The following MID1 variants were observed in gnomAD, a reference collection of about 807,000 sequenced individuals.
The protein encoded by MID1 is E3 ubiquitin-protein ligase Midline-1.
A neutral mutation model predicts 40.4 loss-of-function variants in MID1; 7 were observed. The observed-to-expected ratio is 0.17, with a 90% CI of 0.10 to 0.33. MID1 has a LOEUF of 0.33. MID1 is among the 10% of genes least tolerant of loss of function. The probability of loss-of-function intolerance (pLI) is 1.00; values close to 1 mark genes in which losing one functional copy is unlikely to be tolerated. For missense variants in MID1, 367 were observed against 558.5 expected, an observed-to-expected ratio of 0.66 and a Z score of 3.46; for synonymous variants, 229 against 221.2, an observed-to-expected ratio of 1.04 and a Z score of -0.31.
chrX:10,801,666 A>AC (rs2044008736), intron 1 of MID1, among the ~76,000 whole-genome samples: 1 of 111,826 alleles, frequency 8.9e-6, no homozygotes, highest in Non-Finnish European at 1.9e-5. Context: ...ATGAAACTGG[A>AC]CCCCCACCTT....
At chrX:10,669,150 C>T (rs1372024102) in intron 1 of MID1, among the ~76,000 whole-genome samples, 1 of 98,579 alleles carries the variant, frequency 1.0e-5, no homozygotes, top group Non-Finnish European at 2.0e-5. Context: ...ACCCGGGAAG[C>T]GGAGCTTGCA....
In MID1 at chrX:10,449,327, C is replaced by G. The variant is rs776072976; in HGVS notation, c.*41G>C. ...TCAGTCCCCTAAATAGTGGCCTGAA[C>G]CTTACTGTTCCCCAGAAAGCAGCTC... On this transcript the variant is annotated 3_prime_UTR_variant, in exon 10 of 10. Transcript: ENST00000317552. 1 of 1,108,683 alleles carries G rather than the reference C, an allele frequency of 9.0e-7. No individual in the cohort carries two copies. Among genetic ancestry groups the G allele is most frequent in the Admixed American group, 2.2e-5 (1 of 44,758 alleles). 91.4% of individuals were successfully genotyped at this position (1,108,683 alleles called of 1,213,427 possible).
chrX:10,667,127 G>A (rs760829046), intron 1 of MID1, among the ~76,000 whole-genome samples: 3 of 111,539 alleles, frequency 2.7e-5, no homozygotes, highest in African/African-American at 9.8e-5. Flanking sequence ...ACTTGTGTAT[G>A]CACCCCTCGC....
rs1345823014 is a variant in MID1 at position 10,794,379 on chromosome X, G to A, written c.-187+39175C>T. Among the ~76,000 whole-genome samples the A allele has an allele frequency of 2.7e-5, 3 of 112,242 alleles. No homozygotes were observed. The Admixed American group carries it at 2.8e-4, about 11-fold the overall frequency. On this transcript the variant is annotated intron_variant, in intron 1 of 10. Coordinates refer to the MID1 transcript ENST00000380785. ...GGTTTACAGGGCAAGTGCTAATGCAGTCATAATTATATTGGTGTGAACAAA... is the reference window on the plus strand; with the variant it reads ...GGTTTACAGGGCAAGTGCTAATGCAATCATAATTATATTGGTGTGAACAAA...
intron 1 of MID1, among the ~76,000 whole-genome samples, chrX:10,597,335 A>G (rs1224691400): frequency 2.7e-5 from 3 of 111,743 alleles, no homozygotes; most frequent in Admixed American, 9.5e-5. Flanking sequence ...ATGTGTAAAG[A>G]TTCTTCTGAC....
chrX:10,645,365 C>T (rs985794272), intron 1 of MID1, among the ~76,000 whole-genome samples: 12 of 111,687 alleles, frequency 1.1e-4, no homozygotes, highest in African/African-American at 3.3e-4. Flanking sequence ...ACGGAAATGA[C>T]TTACAGAAAC....
chrX:10,629,565 A>G (rs1936030490), intron 1 of MID1, among the ~76,000 whole-genome samples: 1 of 111,883 alleles, frequency 8.9e-6, no homozygotes, highest in African/African-American at 3.2e-5. Context: ...TCATCCAATC[A>G]ACCAGAGGTA....
chrX:10,686,597 A>T (rs191577465), intron 1 of MID1, among the ~76,000 whole-genome samples: 1 of 112,117 alleles, frequency 8.9e-6, no homozygotes, highest in Non-Finnish European at 1.9e-5. Flanking sequence ...TCCCAACACT[A>T]TTATAAAAAA....
At chrX:10,739,137 C>T (rs1000262721) in intron 1 of MID1, among the ~76,000 whole-genome samples, 7 of 111,354 alleles carry the variant, frequency 6.3e-5, no homozygotes, top group Admixed American at 2.9e-4. Context: ...TGTTGAGAAG[C>T]GGGTCAATTG....
At chrX:10,612,059 A>G (rs1785350534) in intron 1 of MID1, among the ~76,000 whole-genome samples, 1 of 112,165 alleles carries the variant, frequency 8.9e-6, no homozygotes, top group Non-Finnish European at 1.9e-5. Context: ...TTAAACCAAA[A>G]CAATGTAGTT....
intron 9 of MID1, 115 bp downstream of exon 9, chrX:10,454,755 T>TACAACTTTTCTGCATTTTATTCTTTA: frequency 1.5e-6 from 1 of 655,674 alleles, no homozygotes; most frequent in Admixed American, 2.5e-5. Flanking sequence ...AGCTGACTAA[T>TACAACTTTTCTGCATTTTATTCTTTA]ACAACTTTTC....
intron 1 of MID1, among the ~76,000 whole-genome samples, chrX:10,681,387 G>A (rs764425611): frequency 2.7e-5 from 3 of 111,923 alleles, no homozygotes; most frequent in East Asian, 2.8e-4. Context: ...GCTGTGGCTC[G>A]AAGTCTAGAG....
chrX:10,636,327 T>C (rs895233153), intron 1 of MID1, among the ~76,000 whole-genome samples: 1 of 111,411 alleles, frequency 9.0e-6, no homozygotes, highest in Admixed American at 9.6e-5. Flanking sequence ...AGATTAAGAG[T>C]TTAAAAATAG....
intron 2 of MID1, among the ~76,000 whole-genome samples, chrX:10,541,591 G>C (rs996231471): frequency 3.6e-5 from 4 of 110,897 alleles, no homozygotes; most frequent in African/African-American, 1.3e-4. Flanking sequence ...GTACGATAGA[G>C]GTTTTTTAAA....
chrX:10,613,728 TATATAG>T lies in MID1; in HGVS notation c.-57+6556_-57+6561del, dbSNP rs1248313461. On this transcript the variant is annotated intron_variant, in intron 1 of 9. Transcript: ENST00000317552. ...ATATATATATATATATATATATATA[TATATAG>T]AGAGAGAGAGAGAGAGAGAGAGAGA... Among the ~76,000 whole-genome samples, 173 of 39,999 alleles carry T rather than the reference TATATAG, an allele frequency of 4.3e-3. 1 individual carries two copies. The highest frequency in any genetic ancestry group is 6.0e-3 in the Admixed American group (20 of 3,311). The allele number at this position is 39,999 out of a possible 115,157, so 34.7% of individuals were successfully genotyped here. A position where few individuals can be genotyped will look rare whatever the true frequency, so the allele number is the denominator to read the frequency against.
chrX:10,703,030 G>GA (rs754621156), intron 1 of MID1, among the ~76,000 whole-genome samples: 97 of 111,911 alleles, frequency 8.7e-4, no homozygotes, highest in Non-Finnish European at 1.4e-3. Context: ...CCAGAACTGT[G>GA]AAAAAAATGT....
intron 1 of MID1, among the ~76,000 whole-genome samples, chrX:10,804,013 TCA>T (rs1029237840): frequency 1.8e-5 from 2 of 111,670 alleles, no homozygotes; most frequent in African/African-American, 6.5e-5. Flanking sequence ...GGCATGTCTT[TCA>T]CCTCACAGAT....
intron 1 of MID1, among the ~76,000 whole-genome samples, chrX:10,785,920 G>A (rs1290996730): frequency 1.8e-5 from 2 of 111,948 alleles, no homozygotes; most frequent in African/African-American, 6.5e-5. Flanking sequence ...AGGACTTCAT[G>A]TCTAAAACAC....
intron 2 of MID1, among the ~76,000 whole-genome samples, chrX:10,530,636 G>C (rs764302639): frequency 1.8e-5 from 2 of 112,376 alleles, no homozygotes; most frequent in Non-Finnish European, 3.8e-5. Context: ...TTTTTAGTAA[G>C]GCTTATTTGA....
Sources: gnomAD v4.1 joint callset for allele counts (sites outside exome capture counted in the v4.1 genomes callset) on GRCh38, gnomAD v4.1.1 for gene constraint, MANE v1.5 for transcripts, NCBI Gene and HGNC (gene_info 2026-07-23, HGNC 2026-07-21) for gene names.